Variants in PCSK7 observed in about 807,000 individuals in gnomAD.
The protein encoded by PCSK7 is lymphoma proprotein convertase.
In PCSK7, 38 loss-of-function variants were observed where a neutral mutation model predicts 73.3. The ratio of observed to expected loss-of-function variants is 0.52; its 90% CI spans 0.40 to 0.68. PCSK7 has a LOEUF of 0.68. Ranked by LOEUF, PCSK7 falls within the 30% of genes least tolerant of loss-of-function variation. The probability of loss-of-function intolerance (pLI) is 0.00; values close to 1 mark genes in which losing one functional copy is unlikely to be tolerated. For missense variants in PCSK7, 692 were observed against 991.5 expected (o/e 0.70, Z 4.06); for synonymous variants, 296 against 383.8 (o/e 0.77, Z 2.68).
chr11:117,212,394 TTTTTC>T (rs1444515388), intron 12 of PCSK7: 4 of 146,902 alleles, frequency 2.7e-5, no homozygotes, highest in South Asian at 2.2e-4. Flanking sequence ...ATCACAGTTT[TTTTTC>T]TTTTCTTTTT....
chr11:117,228,511 G>A (rs978798824), intron 3 of PCSK7, among the ~76,000 whole-genome samples, 161 bp from the exon 4 acceptor site: 2 of 152,230 alleles, frequency 1.3e-5, no homozygotes, highest in Admixed American at 1.3e-4. Context: ...AGGAGCAGGT[G>A]AGAGCTCTGC....
Position 117,229,370 on chromosome 11 carries a change from G to C in PCSK7, c.468+7C>G. The C allele has an allele frequency of 6.3e-7, 1 of 1,599,110 alleles. No individual in the cohort carries two copies. Among genetic ancestry groups the C allele is most frequent in the Non-Finnish European group, 8.5e-7 (1 of 1,176,400 alleles). On this transcript the variant is annotated splice_region_variant and intron_variant, in intron 3 of 16. Coordinates refer to ENST00000320934, the MANE Select transcript of PCSK7 (RefSeq NM_004716.4). Reference sequence around the variant, plus strand: ...CCTGAAACTGCAAACTGCAGGACTGGACTCACCAGGTGCCATTGCTGCGGG... The same window carrying C: ...CCTGAAACTGCAAACTGCAGGACTGCACTCACCAGGTGCCATTGCTGCGGG...
intron 11 of PCSK7, 51 bp downstream of exon 11, chr11:117,219,006 G>A (rs2239009): frequency 3.1e-6 from 4 of 1,282,020 alleles, no homozygotes; most frequent in African/African-American, 2.9e-5. Context: ...ATTCAGCTCC[G>A]ACCCTTGGTC....
chr11:117,227,091 G>C, intron 5 of PCSK7, 66 bp downstream of exon 5: 1 of 1,279,036 alleles, frequency 7.8e-7, no homozygotes, highest in East Asian at 2.3e-5. Context: ...GTAGGGAGGG[G>C]TGCAGGAAAT....
At chr11:117,215,364 T>TTTTTGTGTGTGTGTGTGTGTGTGTGTG (rs57433360) in intron 12 of PCSK7, 2 of 84,898 alleles carry the variant, frequency 2.4e-5, no homozygotes, top group Non-Finnish European at 2.0e-5. Flanking sequence ...CCTGGCTAAT[T>TTTTTGTGTGTGTGTGTGTGTGTGTGTG]TGTGTGTGTG....
chr11:117,228,416 G>A, intron 3 of PCSK7, 66 bp from the exon 4 acceptor site: 1 of 1,467,336 alleles, frequency 6.8e-7, no homozygotes, highest in South Asian at 1.1e-5. Context: ...TGAAGTTATA[G>A]CTAGCAGCCC....
rs761700916 is a variant in PCSK7 at position 117,227,277 on chromosome 11, T to C, written c.649A>G (p.Met217Val). ...YDLNSNDPDPMPHPDVENGNH... is the reference protein window; with the variant it reads ...YDLNSNDPDPVPHPDVENGNH... ...CCATTCTCCACATCCGGGTGGGGCA[T>C]GGGGTCAGGGTCATTAGAGTTGAGG... The change falls in exon 5 of 17, where the codon ATG becomes GTG. Residue 217 changes from methionine (M) to valine (V), a missense_variant. Transcript: ENST00000320934. 5.0e-6 allele frequency: 8 copies of C among 1,613,646 alleles called. No homozygotes were observed. The highest frequency in any genetic ancestry group is 6.8e-6 in the Non-Finnish European group (8 of 1,179,744).
chr11:117,230,605 C>T (rs2032609280), intron 1 of PCSK7, 137 bp from the exon 2 acceptor site: 1 of 152,230 alleles, frequency 6.6e-6, no homozygotes, highest in African/African-American at 2.4e-5. Context: ...CGGTCATAGA[C>T]TGGAGCAGAA....
At chr11:117,214,427 G>C (rs966901139) in intron 12 of PCSK7, 1 of 152,076 alleles carries the variant, frequency 6.6e-6, no homozygotes, top group East Asian at 1.9e-4. Flanking sequence ...AAAAAGTCAG[G>C]AAACAAGCCT....
At chr11:117,226,260 G>A (rs2032422967) in intron 5 of PCSK7, 2 of 512,956 alleles carry the variant, frequency 3.9e-6, no homozygotes, top group Admixed American at 3.2e-5. Context: ...CCTCAGCCTC[G>A]AAGTAGCTGG....
At chr11:117,219,862 G>A in intron 9 of PCSK7, 104 bp from the exon 10 acceptor site, 2 of 784,118 alleles carry the variant, frequency 2.6e-6, no homozygotes, top group Non-Finnish European at 3.9e-6. Context: ...CAGGCAGGAG[G>A]ATTGCTTGAG....
In PCSK7 at chr11:117,219,519, T is replaced by A. The variant is rs2032111747; in HGVS notation, c.1323+72A>T. On this transcript the variant is annotated intron_variant, in intron 10 of 16. Transcript: ENST00000320934. ...TATCTAACATTTGGGACATTGAGAATCTAAGGCCACCTGATACCCGAACTC... is the reference window on the plus strand; with the variant it reads ...TATCTAACATTTGGGACATTGAGAAACTAAGGCCACCTGATACCCGAACTC... 9.9e-6 allele frequency: 14 copies of A among 1,418,020 alleles called. No individual in the cohort carries two copies. In the South Asian group the frequency reaches 1.6e-4, roughly 16 times the overall value. The allele number at this position is 1,418,020 out of a possible 1,614,324, so 87.8% of individuals were successfully genotyped here. A position where few individuals can be genotyped will look rare whatever the true frequency, so the allele number is the denominator to read the frequency against.
chr11:117,213,665 A>C (rs78027617), intron 12 of PCSK7: 1 of 152,156 alleles, frequency 6.6e-6, no homozygotes, highest in Non-Finnish European at 1.5e-5. Context: ...GAATCCCAAA[A>C]GGAGTGCTTG....
chr11:117,211,006 G>A (rs770515626), intron 12 of PCSK7: 1 of 152,254 alleles, frequency 6.6e-6, no homozygotes, highest in African/African-American at 2.4e-5. Context: ...GTAGCTCAGA[G>A]AGGCACTGAA....
At chr11:117,228,143 G>C in intron 4 of PCSK7, 73 bp downstream of exon 4, 1 of 1,471,764 alleles carries the variant, frequency 6.8e-7, no homozygotes. Flanking sequence ...CTAGAAAAGG[G>C]GACAAGACTG....
At position 117,228,224 on chromosome 11, in the gene PCSK7, G is replaced by A. The variant is rs763046297; in HGVS notation, c.595C>T (p.Pro199Ser). The part of the protein sequence containing the change: ...GVEHTIQDIA[P>S]NYSPEGSYDL... ...GTTCCAGGGCCACTCACATAGTTGG[G>A]TGCAATGTCCTGGATGGTGTGTTCC... The change falls in exon 4 of 17, where the codon CCC (proline) becomes TCC (serine). Residue 199 changes from proline to serine, a missense_variant. Pro to Ser is a moderately conservative substitution (Grantham distance 74). Coordinates refer to ENST00000320934, the MANE Select transcript of PCSK7 (RefSeq NM_004716.4). 1 of 1,613,342 alleles carries A rather than the reference G, an allele frequency of 6.2e-7. No homozygotes were observed. Among genetic ancestry groups the A allele is most frequent in the Non-Finnish European group, 8.5e-7 (1 of 1,179,684 alleles).
At position 117,219,083 on chromosome 11, in the gene PCSK7, C is replaced by T. The variant is rs765219743; in HGVS notation, c.1405G>A (p.Ala469Thr). The T allele has an allele frequency of 8.1e-6, 13 of 1,609,736 alleles. No homozygotes were observed. The highest frequency in any genetic ancestry group is 1.7e-5 in the Admixed American group (1 of 60,014). Reference protein sequence around the residue: ...SHQHGFGLLNAWRLVNAAKIW... With the variant: ...SHQHGFGLLNTWRLVNAAKIW... Reference sequence around the variant, plus strand: ...TTGGCTGCATTCACGAGCCTCCAGGCGTTGAGGAGGCCGAAACCGTGCTGG... The same window carrying T: ...TTGGCTGCATTCACGAGCCTCCAGGTGTTGAGGAGGCCGAAACCGTGCTGG... The change falls in exon 11 of 17, where the codon GCC (alanine) becomes ACC (threonine). Residue 469 changes from alanine (A) to threonine (T), a missense_variant. By Grantham distance (58) the Ala-to-Thr change is moderately conservative. This residue lies in a region of PCSK7 where 574 missense variants were observed against 689.8 expected (regional missense o/e 0.83). Transcript: ENST00000320934.
At chr11:117,220,607 TCCAAACC>T (rs1412955092) in intron 9 of PCSK7, 1 of 152,182 alleles carries the variant, frequency 6.6e-6, no homozygotes, top group Non-Finnish European at 1.5e-5. Flanking sequence ...AACTCCCAAC[TCCAAACC>T]CTTCAACCCC....
In PCSK7 at chr11:117,224,112, A is replaced by T; in HGVS notation, c.1020T>A (p.Asp340Glu). Residue 340 changes from aspartate (D) to glutamate (E), a missense_variant, in exon 8 of 17, where the codon GAT becomes GAA. Physicochemically the swap from Asp to Glu is conservative, Grantham distance 45. This residue lies in a region of PCSK7 where 574 missense variants were observed against 689.8 expected (regional missense o/e 0.83). Coordinates refer to ENST00000320934, the MANE Select transcript of PCSK7 (RefSeq NM_004716.4). The stretch of plus-strand genomic sequence containing the variant: ...CGGTGTAGATGGAGTTGGCGTAGCC[A>T]TCGTAGTTGCAGTTGTCGTTGTGTT... ...GGQHNDNCNY[D>E]GYANSIYTVT... The T allele has an allele frequency of 6.2e-7, 1 of 1,614,054 alleles. No homozygotes were observed. The highest frequency in any genetic ancestry group is 2.2e-5 in the East Asian group (1 of 44,860).
Sources: gnomAD v4.1 joint callset for allele counts (sites outside exome capture counted in the v4.1 genomes callset) on GRCh38, gnomAD v4.1.1 for gene constraint, gnomAD v4.1.1 regional missense constraint, MANE v1.5 for transcripts, NCBI Gene and HGNC (gene_info 2026-07-23, HGNC 2026-07-21) for gene names.